CES1: variants seen among roughly 807,000 people sequenced by gnomAD.
CES1 encodes liver carboxylesterase 1.
A neutral mutation model predicts 53.0 loss-of-function variants in CES1; 50 were observed. The observed-to-expected ratio is 0.94, with a 90% CI of 0.75 to 1.19. CES1 has a LOEUF of 1.19. Among genes scored for constraint, CES1 ranks in the 50% most tolerant of loss-of-function variants. The probability of loss-of-function intolerance (pLI) is 0.00; values close to 1 mark genes in which losing one functional copy is unlikely to be tolerated. For missense variants in CES1, 534 were observed against 538.0 expected, an observed-to-expected ratio of 0.99 and a Z score of 0.07; for synonymous variants, 202 against 210.1, an observed-to-expected ratio of 0.96 and a Z score of 0.33.
chr16:55,819,790 C>T (rs2032098695), intron 6 of CES1, 151 bp from the exon 7 acceptor site: 6 of 742,610 alleles, frequency 8.1e-6, no homozygotes, highest in South Asian at 7.1e-5. Context: ...GTTCCAGGTC[C>T]CACGGAGCGT....
chr16:55,826,577 T>A (rs1350561040), intron 2 of CES1, among the ~76,000 whole-genome samples: 2 of 152,190 alleles, frequency 1.3e-5, no homozygotes, highest in Non-Finnish European at 2.9e-5. Flanking sequence ...ACTAATACAC[T>A]GATCCTCCCT....
chr16:55,820,497 G>A lies in CES1; in HGVS notation c.694-18C>T, dbSNP rs745862457. 34 of 1,589,400 alleles carry A rather than the reference G, an allele frequency of 2.1e-5. No individual in the cohort carries two copies. In the Admixed American group the frequency reaches 5.3e-4, roughly 25 times the overall value. ...GACAAAACCTGACAGCAGAGTGGAG[G>A]GGAGGAGAGTTCATGCTCAGGAGTG... is the stretch of plus-strand genomic sequence containing the variant. On this transcript the variant is annotated intron_variant, in intron 5 of 13. Transcript: ENST00000360526.
chr16:55,816,360 A>G (rs1239096031), intron 8 of CES1, among the ~76,000 whole-genome samples: 1 of 152,254 alleles, frequency 6.6e-6, no homozygotes, highest in Admixed American at 6.5e-5. Context: ...ATGACCATTT[A>G]GGAGAGTGCT....
intron 9 of CES1, among the ~76,000 whole-genome samples, chr16:55,812,643 C>T (rs905804659): frequency 6.6e-6 from 1 of 152,146 alleles, no homozygotes; most frequent in East Asian, 1.9e-4. Flanking sequence ...TCTCTACTGG[C>T]CCTCCCAGCA....
intron 1 of CES1, among the ~76,000 whole-genome samples, chr16:55,830,773 AGAAG>A (rs1200351837): frequency 0.023 from 1,737 of 76,840 alleles, 23 homozygotes; most frequent in East Asian, 0.052. Flanking sequence ...AAGGAAGGAA[AGAAG>A]GAAGGAAGGA....
chr16:55,824,702 G>A (rs1210388506), intron 3 of CES1, among the ~76,000 whole-genome samples: 3 of 152,252 alleles, frequency 2.0e-5, no homozygotes, highest in Admixed American at 6.5e-5. Flanking sequence ...GCAGGGGTAT[G>A]AGCCTGCCTC....
At position 55,828,786 on chromosome 16, in the gene CES1, C is replaced by T. The variant is rs1246906588; in HGVS notation, c.241G>A (p.Ala81Thr). 1 of 1,614,296 alleles carries T rather than the reference C, an allele frequency of 6.2e-7. No homozygotes were observed. Among genetic ancestry groups the T allele is most frequent in the Non-Finnish European group, 8.5e-7 (1 of 1,180,056 alleles). The change falls in exon 2 of 14, where the codon GCC (alanine) becomes ACC (threonine). Residue 81 changes from alanine (A) to threonine (T), a missense_variant. Ala to Thr is a moderately conservative substitution (Grantham distance 58). Transcript: ENST00000360526. ...PAEPWSFVKNATSYPPMCTQD... is the reference protein window; with the variant it reads ...PAEPWSFVKNTTSYPPMCTQD... ...GCTTACATAGGAGGGTACGAGGTGG[C>T]ATTCTTCACAAAGCTCCATGGTTCT...
chr16:55,815,304 G>T (rs2031890305), intron 8 of CES1, among the ~76,000 whole-genome samples: 1 of 152,208 alleles, frequency 6.6e-6, no homozygotes, highest in African/African-American at 2.4e-5. Context: ...GTCTCATAAG[G>T]AAGGTCAGGC....
chr16:55,808,343 C>T (rs1311148029), intron 11 of CES1, among the ~76,000 whole-genome samples: 3 of 151,744 alleles, frequency 2.0e-5, no homozygotes, highest in Non-Finnish European at 4.4e-5. Flanking sequence ...AGGAAAGTAG[C>T]GCACAGATTT....
chr16:55,813,725 A>G (rs1167481395), intron 8 of CES1, among the ~76,000 whole-genome samples: 11 of 152,130 alleles, frequency 7.2e-5, no homozygotes, highest in Non-Finnish European at 1.5e-4. Flanking sequence ...CCTTCCCCGT[A>G]AGGCACAGCA....
chr16:55,812,870 T>C lies in CES1; in HGVS notation c.1086+33A>G, dbSNP rs368424717. On this transcript the variant is annotated intron_variant, in intron 9 of 13. Coordinates refer to ENST00000360526, the MANE Select transcript of CES1 (RefSeq NM_001025195.2). ...GAGACAGGAGGGCTGATGGGGGTGG[T>C]TGAGTCCCTCCAACAGACATGTGCC... The C allele has an allele frequency of 3.8e-4, 608 of 1,613,152 alleles. No individual in the cohort carries two copies. The South Asian group carries it at 6.3e-3, about 17-fold the overall frequency.
intron 9 of CES1, among the ~76,000 whole-genome samples, 161 bp from the exon 10 acceptor site, chr16:55,811,171 A>AC (rs2031679560): frequency 2.4e-5 from 2 of 82,636 alleles, no homozygotes; most frequent in Admixed American, 2.6e-4. Context: ...AATGAATCAA[A>AC]TGGGCTTATA....
At chr16:55,832,961 G>A (rs1445104855) in intron 1 of CES1, 43 bp downstream of exon 1, 1 of 1,458,302 alleles carries the variant, frequency 6.9e-7, no homozygotes, top group Admixed American at 1.7e-5. Flanking sequence ...CCAGAACAAG[G>A]ATTTCAAAAA....
Position 55,830,110 on chromosome 16 carries a change from T to C in CES1, c.53-1136A>G, listed in dbSNP as rs118099447. Among the ~76,000 whole-genome samples the C allele has an allele frequency of 2.1e-3, 326 of 152,254 alleles. No individual in the cohort carries two copies. The East Asian group carries it at 0.023, about 11-fold the overall frequency. ...CAAGACGTCAACACCTCCCTCAAAGTGTGGGGCTAGAGCAGAACAGAACAA... is the reference window on the plus strand; with the variant it reads ...CAAGACGTCAACACCTCCCTCAAAGCGTGGGGCTAGAGCAGAACAGAACAA... On this transcript the variant is annotated intron_variant, in intron 1 of 13. Coordinates refer to ENST00000360526, the MANE Select transcript of CES1 (RefSeq NM_001025195.2).
At chr16:55,810,724 A>G in intron 10 of CES1, 60 bp from the exon 11 acceptor site, 2 of 1,597,164 alleles carry the variant, frequency 1.3e-6, no homozygotes, top group Non-Finnish European at 1.7e-6. Flanking sequence ...TCTCCAGCCC[A>G]CCAGAAAGTC....
chr16:55,814,685 G>C (rs775569059), intron 8 of CES1, among the ~76,000 whole-genome samples: 6 of 152,244 alleles, frequency 3.9e-5, no homozygotes. Flanking sequence ...CGCCCCATGG[G>C]CTGTATTTCC....
chr16:55,824,435 TATAAA>T (rs1567504337), intron 3 of CES1, among the ~76,000 whole-genome samples: 1 of 152,182 alleles, frequency 6.6e-6, no homozygotes, highest in Non-Finnish European at 1.5e-5. Context: ...ATTCATGAAA[TATAAA>T]AGAACTCGTA....
At chr16:55,810,124 C>T (rs1401510249) in intron 11 of CES1, among the ~76,000 whole-genome samples, 4 of 152,110 alleles carry the variant, frequency 2.6e-5, no homozygotes, top group East Asian at 1.9e-4. Context: ...AATAAATACC[C>T]GGCTCCCTTG....
rs185780477 is a variant in CES1 at position 55,810,986 on chromosome 16, C to A, written c.1111G>T (p.Glu371Ter). Residue 371 changes from glutamate to a stop codon, truncating the protein, a stop_gained, in exon 10 of 14, where the codon GAA (glutamate) becomes TAA (stop). Coordinates refer to ENST00000360526, the MANE Select transcript of CES1 (RefSeq NM_001025195.2). LOFTEE classifies it high-confidence loss of function. ...PMQLMSYPLS[E>*]GQLDQKTAMS... ...GCTGTCTTCTGGTCCAGTTGCCCTT[C>A]GGAGAGTGGATAGCTCATCAACTGC... is the stretch of plus-strand genomic sequence containing the variant. 18 of 1,610,898 alleles carry A rather than the reference C, an allele frequency of 1.1e-5. No homozygotes were observed. Among genetic ancestry groups the A allele is most frequent in the Non-Finnish European group, 1.5e-5 (18 of 1,179,114 alleles).
Sources: allele counts gnomAD v4.1 joint callset (sites outside exome capture counted in the v4.1 genomes callset), GRCh38; gene constraint gnomAD v4.1.1; transcripts MANE v1.5; gene names NCBI Gene and HGNC (gene_info 2026-07-23, HGNC 2026-07-21).